NELL1: variants seen among roughly 807,000 people sequenced by gnomAD.
The protein encoded by NELL1 is neural EGFL like 1, also known as protein kinase C-binding protein NELL1.
A neutral mutation model predicts 107.4 loss-of-function variants in NELL1; 76 were observed. The ratio of observed to expected loss-of-function variants is 0.71; its 90% CI spans 0.59 to 0.86. The LOEUF (loss-of-function observed/expected upper bound fraction) is 0.86, where lower values mean the gene tolerates loss of function less well. NELL1 is among the 40% of genes least tolerant of loss of function. The probability of loss-of-function intolerance (pLI) is 0.00; values close to 1 mark genes in which losing one functional copy is unlikely to be tolerated. For missense variants in NELL1, 1,024 were observed against 1,005.5 expected (o/e 1.02, Z -0.25); for synonymous variants, 353 against 341.2 (o/e 1.03, Z -0.38).
chr11:20,960,304 A>T (rs1851263891), intron 11 of NELL1, 128 bp from the exon 12 acceptor site: 2 of 944,740 alleles, frequency 2.1e-6, no homozygotes, highest in Non-Finnish European at 1.6e-6. Context: ...TATCCAGTTT[A>T]TCCGTGCATA....
At chr11:21,255,327 T>G (rs892141763) in intron 14 of NELL1, among the ~76,000 whole-genome samples, 1 of 152,076 alleles carries the variant, frequency 6.6e-6, no homozygotes, top group Non-Finnish European at 1.5e-5. Context: ...GTTCTTTTAG[T>G]GATGGAAAAG....
chr11:21,306,923 G>T (rs1849617630), intron 14 of NELL1, among the ~76,000 whole-genome samples: 1 of 151,980 alleles, frequency 6.6e-6, no homozygotes, highest in African/African-American at 2.4e-5. Flanking sequence ...CATAAAAGGG[G>T]TCTGAATTCT....
At chr11:20,930,967 T>G (rs990200206) in intron 9 of NELL1, among the ~76,000 whole-genome samples, 3 of 152,142 alleles carry the variant, frequency 2.0e-5, no homozygotes, top group Non-Finnish European at 4.4e-5. Flanking sequence ...TAAAAAGAAA[T>G]GATACAAGGC....
intron 15 of NELL1, among the ~76,000 whole-genome samples, chr11:21,497,805 A>G (rs74832002): frequency 0.16 from 25,064 of 152,006 alleles, 2,204 homozygotes; most frequent in Non-Finnish European, 0.19. Context: ...ACTTGAATTC[A>G]TGAGTATTCA....
At chr11:20,967,334 C>CTT (rs376816350) in intron 12 of NELL1, among the ~76,000 whole-genome samples, 9 of 147,200 alleles carry the variant, frequency 6.1e-5, no homozygotes, top group African/African-American at 2.0e-4. Flanking sequence ...ACTTAGGTAA[C>CTT]TTTTTTTTTT....
chr11:21,202,590 T>G (rs371952747), intron 13 of NELL1, among the ~76,000 whole-genome samples: 23 of 152,300 alleles, frequency 1.5e-4, no homozygotes, highest in African/African-American at 5.5e-4. Context: ...CTGGATTCAT[T>G]GATTTTCTGA....
At chr11:21,205,239 C>T (rs906069477) in intron 13 of NELL1, among the ~76,000 whole-genome samples, 2 of 152,254 alleles carry the variant, frequency 1.3e-5, no homozygotes, top group Middle Eastern at 6.8e-3. Flanking sequence ...GGGGCTCTGT[C>T]CCAGGGAGAT....
rs368481087 is a variant in NELL1 at position 20,957,589 on chromosome 11, C to T, written c.1172-2843C>T. 7.9e-5 allele frequency among the ~76,000 whole-genome samples: 12 copies of T among 151,994 alleles called. No homozygotes were observed. In the East Asian group the frequency reaches 1.9e-3, roughly 24 times the overall value. On this transcript the variant is annotated intron_variant, in intron 11 of 19. Coordinates refer to ENST00000357134, the MANE Select transcript of NELL1 (RefSeq NM_006157.5). ...AATGGCAAAATTAGATGTGCAAAGC[C>T]TGAAGATATTAGAATTATCAATATA...
intron 15 of NELL1, among the ~76,000 whole-genome samples, chr11:21,470,389 C>T (rs187459829): frequency 6.6e-6 from 1 of 152,138 alleles, no homozygotes; most frequent in East Asian, 1.9e-4. Context: ...CTTGCCTTCT[C>T]TTACCTTAAA....
At chr11:20,976,106 A>T (rs1474693284) in intron 12 of NELL1, among the ~76,000 whole-genome samples, 1 of 133,698 alleles carries the variant, frequency 7.5e-6, no homozygotes, top group Non-Finnish European at 1.6e-5. Flanking sequence ...ATATACACAT[A>T]TCTGTACATA....
chr11:20,948,781 A>AC (rs1851014622), intron 11 of NELL1, among the ~76,000 whole-genome samples: 1 of 151,660 alleles, frequency 6.6e-6, no homozygotes, highest in African/African-American at 2.4e-5. Context: ...AAAAAAAAAA[A>AC]AAAAAACAGT....
At position 20,758,056 on chromosome 11, in the gene NELL1, T is replaced by C. The variant is rs943259408; in HGVS notation, c.185-25624T>C. Among the ~76,000 whole-genome samples the C allele has an allele frequency of 2.0e-5, 3 of 152,180 alleles. No homozygotes were observed. The South Asian group carries it at 6.2e-4, about 32-fold the overall frequency. ...GGGGCCAAGCTCCCTGGTCTCTTCT[T>C]GTAAGGGCACTTATTCCATCACGAC... On this transcript the variant is annotated intron_variant, in intron 2 of 19. Transcript: ENST00000357134.
At chr11:21,310,770 C>T (rs1377017645) in intron 14 of NELL1, among the ~76,000 whole-genome samples, 1 of 151,990 alleles carries the variant, frequency 6.6e-6, no homozygotes, top group East Asian at 1.9e-4. Flanking sequence ...TGATGCTATG[C>T]AGGTTCAGAG....
chr11:20,842,099 G>T (rs1705888225), intron 3 of NELL1, among the ~76,000 whole-genome samples: 2 of 152,142 alleles, frequency 1.3e-5, no homozygotes, highest in African/African-American at 4.8e-5. Context: ...AGCATGGGCT[G>T]GGTGCGGTGG....
chr11:20,895,391 T>C (rs537868918), intron 5 of NELL1, among the ~76,000 whole-genome samples: 2 of 147,134 alleles, frequency 1.4e-5, no homozygotes, highest in Admixed American at 6.9e-5. Flanking sequence ...ATGTACCCCA[T>C]TCACCCTTCC....
At chr11:20,911,954 C>A (rs141627110) in intron 5 of NELL1, among the ~76,000 whole-genome samples, 265 of 152,300 alleles carry the variant, frequency 1.7e-3, no homozygotes, top group Admixed American at 4.3e-3. Context: ...AGCCACTTCT[C>A]AGGTGAGAGT....
At chr11:20,963,785 C>A (rs569322733) in intron 12 of NELL1, among the ~76,000 whole-genome samples, 12 of 152,086 alleles carry the variant, frequency 7.9e-5, no homozygotes, top group African/African-American at 2.9e-4. Context: ...ATGACTCATA[C>A]GATAAAAACC....
chr11:21,384,991 C>T (rs185566787), intron 15 of NELL1, among the ~76,000 whole-genome samples: 46 of 151,994 alleles, frequency 3.0e-4, no homozygotes, highest in Admixed American at 7.9e-4. Context: ...TTCCTTACTG[C>T]TTTGTTTGCT....
At chr11:20,814,889 A>G (rs1452225397) in intron 3 of NELL1, among the ~76,000 whole-genome samples, 1 of 152,212 alleles carries the variant, frequency 6.6e-6, no homozygotes. Context: ...TGCTTTACAC[A>G]GTGACTGAAC....
Sources: allele counts gnomAD v4.1 joint callset (sites outside exome capture counted in the v4.1 genomes callset), GRCh38; gene constraint gnomAD v4.1.1; transcripts MANE v1.5; gene names NCBI Gene and HGNC (gene_info 2026-07-23, HGNC 2026-07-21).